The following CLCN1 variants were observed in gnomAD, a reference collection of about 807,000 sequenced individuals.
The protein encoded by CLCN1 is chloride channel protein 1.
CLCN1 carries 100 observed loss-of-function variants against 114.5 expected under a neutral mutation model. That is an observed-to-expected ratio of 0.87 (90% CI 0.74 to 1.03). The LOEUF (loss-of-function observed/expected upper bound fraction) is 1.03. CLCN1 is among the 50% of genes least tolerant of loss of function. The pLI is 0.00. For missense variants in CLCN1, 1,188 were observed against 1,250.0 expected, an observed-to-expected ratio of 0.95 and a Z score of 0.75; for synonymous variants, 485 against 487.1, an observed-to-expected ratio of 1.00 and a Z score of 0.06.
chr7:143,333,562 C>T (rs1425159779), intron 12 of CLCN1, among the ~76,000 whole-genome samples: 1 of 152,188 alleles, frequency 6.6e-6, no homozygotes, highest in East Asian at 1.9e-4. Flanking sequence ...GTATTTCATT[C>T]TCCATGTATC....
At chr7:143,346,441 T>G (rs1586516843) in intron 18 of CLCN1, 138 bp from the exon 19 acceptor site, 1 of 776,214 alleles carries the variant, frequency 1.3e-6, no homozygotes, top group Non-Finnish European at 2.3e-6. Flanking sequence ...GAGCAGAGGG[T>G]GATTTAGGAG....
intron 20 of CLCN1, among the ~76,000 whole-genome samples, chr7:143,349,891 A>G (rs1022080220): frequency 1.3e-5 from 2 of 152,246 alleles, no homozygotes; most frequent in African/African-American, 2.4e-5. Flanking sequence ...GGAGAAGCAC[A>G]TCTGATTGGG....
chr7:143,332,681 A>AGT (rs1394134439), intron 11 of CLCN1, 43 bp from the exon 12 acceptor site: 1 of 1,611,352 alleles, frequency 6.2e-7, no homozygotes, highest in African/African-American at 1.3e-5. Flanking sequence ...GAAGCACAGG[A>AGT]GTTCCCTGGA....
chr7:143,346,768 G>A (rs1176155214), intron 19 of CLCN1, 110 bp downstream of exon 19: 8 of 1,213,864 alleles, frequency 6.6e-6, no homozygotes, highest in Non-Finnish European at 8.5e-6. Context: ...AGGAGGAGGA[G>A]TTTAATCATA....
Position 143,338,530 on chromosome 7 carries a change from A to G in CLCN1, c.1402-723A>G, listed in dbSNP as rs941845030. 2.0e-5 allele frequency among the ~76,000 whole-genome samples: 3 copies of G among 152,158 alleles called. No homozygotes were observed. The East Asian group carries it at 5.8e-4, about 29-fold the overall frequency. ...GCCGGGCGCATCGGCTCACACCTGTAATCCCGGCACTTTGGGAGGTAGAGG... is the reference window on the plus strand; with the variant it reads ...GCCGGGCGCATCGGCTCACACCTGTGATCCCGGCACTTTGGGAGGTAGAGG... On this transcript the variant is annotated intron_variant, in intron 12 of 22. Coordinates refer to ENST00000343257, the MANE Select transcript of CLCN1 (RefSeq NM_000083.3).
intron 7 of CLCN1, among the ~76,000 whole-genome samples, chr7:143,328,801 T>A (rs1316711650): frequency 1.3e-5 from 2 of 152,118 alleles, no homozygotes; most frequent in Non-Finnish European, 2.9e-5. Context: ...CTGCCCCACA[T>A]TGCCCATTGC....
At chr7:143,323,842 C>T (rs1373049601) in intron 6 of CLCN1, 1 of 473,922 alleles carries the variant, frequency 2.1e-6, no homozygotes, top group Admixed American at 2.3e-5. Flanking sequence ...AGCTTGACCT[C>T]CTGGTGTCGG....
In CLCN1 at chr7:143,321,279, T is replaced by C; in HGVS notation, c.434-86T>C. 1 of 1,528,040 alleles carries C rather than the reference T, an allele frequency of 6.5e-7. No homozygotes were observed. Among genetic ancestry groups the C allele is most frequent in the South Asian group, 1.2e-5 (1 of 86,904 alleles). 94.7% of individuals were successfully genotyped at this position (1,528,040 alleles called of 1,614,324 possible). ...AGGGGCACACAGAAGGAGCACGGCCTGAGAACATGCCGGGTACACGTCCTG... is the reference window on the plus strand; with the variant it reads ...AGGGGCACACAGAAGGAGCACGGCCCGAGAACATGCCGGGTACACGTCCTG... On this transcript the variant is annotated intron_variant, in intron 3 of 22. Transcript: ENST00000343257. The surrounding 1 kb of genome is among the most constrained non-coding windows in gnomAD (Gnocchi z 4.2).
In CLCN1 at chr7:143,339,155, A is replaced by T. The variant is rs1180587502; in HGVS notation, c.1402-98A>T. 30 of 864,444 alleles carry T rather than the reference A, an allele frequency of 3.5e-5. No homozygotes were observed. The highest frequency in any genetic ancestry group is 5.2e-5 in the Non-Finnish European group (26 of 497,524). 53.5% of individuals were successfully genotyped at this position (864,444 alleles called of 1,614,324 possible). A position where few individuals can be genotyped will look rare whatever the true frequency, so the allele number is the denominator to read the frequency against. ...GACTTTCAGAAGGATCAGCTATCCC[A>T]GGATTTCTGCAGAAAGGAGGATAGT... On this transcript the variant is annotated intron_variant, in intron 12 of 22. Coordinates refer to ENST00000343257, the MANE Select transcript of CLCN1 (RefSeq NM_000083.3). The surrounding 1 kb of genome is among the most constrained non-coding windows in gnomAD (Gnocchi z 4.1).
intron 18 of CLCN1, 52 bp downstream of exon 18, chr7:143,346,303 G>C: frequency 7.9e-7 from 1 of 1,269,808 alleles, no homozygotes; most frequent in Non-Finnish European, 1.1e-6. Flanking sequence ...GTTCTCTCTG[G>C]TCACTAGGAC....
Position 143,324,534 on chromosome 7 carries a change from C to T in CLCN1, c.853+42C>T. ...CTCCCCCATCAATCGGCTTGCCTGGCCTGGCTCCCAAAACAGTTTTAATCA... is the reference window on the plus strand; with the variant it reads ...CTCCCCCATCAATCGGCTTGCCTGGTCTGGCTCCCAAAACAGTTTTAATCA... On this transcript the variant is annotated intron_variant, in intron 7 of 22. Coordinates refer to ENST00000343257, the MANE Select transcript of CLCN1 (RefSeq NM_000083.3). This position sits in a 1 kb window ranked among gnomAD's most constrained non-coding sequence, Gnocchi z 4.6. 1.4e-6 allele frequency: 2 copies of T among 1,475,552 alleles called. No individual in the cohort carries two copies. Among genetic ancestry groups the T allele is most frequent in the Non-Finnish European group, 1.9e-6 (2 of 1,054,002 alleles). The allele number at this position is 1,475,552 out of a possible 1,614,324, so 91.4% of individuals were successfully genotyped here.
chr7:143,327,257 A>AAAGAAAAAG (rs1554435825), intron 7 of CLCN1, among the ~76,000 whole-genome samples: 2 of 149,806 alleles, frequency 1.3e-5, no homozygotes, highest in Non-Finnish European at 1.5e-5. Flanking sequence ...TAAAAAAAAA[A>AAAGAAAAAG]AAAAAGAAAA....
Position 143,350,349 on chromosome 7 carries a change from G to T in CLCN1, c.2404-23G>T. 6.2e-7 allele frequency: 1 copy of T among 1,604,256 alleles called. No individual in the cohort carries two copies. The highest frequency in any genetic ancestry group is 8.5e-7 in the Non-Finnish European group (1 of 1,171,848). On this transcript the variant is annotated intron_variant, in intron 20 of 22. Coordinates refer to ENST00000343257, the MANE Select transcript of CLCN1 (RefSeq NM_000083.3). This position sits in a 1 kb window ranked among gnomAD's most constrained non-coding sequence, Gnocchi z 5.1. ...TGAAAGGAGGCTCTGTGATTTTCGTGACTTTCCTCCTCTGGCTGACAGATT... is the reference window on the plus strand; with the variant it reads ...TGAAAGGAGGCTCTGTGATTTTCGTTACTTTCCTCCTCTGGCTGACAGATT...
intron 11 of CLCN1, 96 bp from the exon 12 acceptor site, chr7:143,332,628 G>C: frequency 1.3e-6 from 2 of 1,548,888 alleles, no homozygotes; most frequent in Non-Finnish European, 1.8e-6. Flanking sequence ...GGGCAAAAGA[G>C]ACCCTTGAAT....
Position 143,351,881 on chromosome 7 carries a change from G to A in CLCN1, c.2883G>A (p.Gly961=), listed in dbSNP as rs1057522756. The A allele has an allele frequency of 6.2e-7, 1 of 1,614,126 alleles. No individual in the cohort carries two copies. The highest frequency in any genetic ancestry group is 8.5e-7 in the Non-Finnish European group (1 of 1,179,998). The change falls in exon 23 of 23, where the codon GGG becomes GGA. Residue 961 remains glycine (G), a synonymous_variant. Transcript: ENST00000343257. Reference sequence around the variant, plus strand: ...AGCTGGAGCTGGTGGAGAGTCCAGGGCTGGAAGAGGAGCTGGCCGACATCT... The same window carrying A: ...AGCTGGAGCTGGTGGAGAGTCCAGGACTGGAAGAGGAGCTGGCCGACATCT... ...LEELELVESP[G]LEEELADILQ...
rs1192546181 is a variant in CLCN1, at chr7:143,345,460, G to A, written c.1931-61G>A. 6 of 1,477,282 alleles carry A rather than the reference G, an allele frequency of 4.1e-6. No homozygotes were observed. In the African/African-American group the frequency reaches 7.1e-5, roughly 17 times the overall value. 91.5% of individuals were successfully genotyped at this position (1,477,282 alleles called of 1,614,324 possible). A position where few individuals can be genotyped will look rare whatever the true frequency, so the allele number is the denominator to read the frequency against. ...TCTCCTGTTCCTTCTCAGGAGTGCG[G>A]AGCGCGGTGGTGCGAGAGGGCTTGG... On this transcript the variant is annotated intron_variant, in intron 16 of 22. Transcript: ENST00000343257.
At chr7:143,346,039 G>A in intron 17 of CLCN1, 101 bp from the exon 18 acceptor site, 3 of 891,400 alleles carry the variant, frequency 3.4e-6, no homozygotes, top group African/African-American at 1.6e-5. Flanking sequence ...CTGGGGGGAA[G>A]AATAGAGTTC....
rs143784813 is a variant in CLCN1, at chr7:143,345,945, T to G, written c.2172+183T>G. On this transcript the variant is annotated intron_variant, in intron 17 of 22. Transcript: ENST00000343257. ...CTGGATCAGGTACCATAGAGACCAG[T>G]GCCTCTGGGTCCAGGGACTAAAGAA... Among the ~76,000 whole-genome samples, 449 of 152,156 alleles carry G rather than the reference T, an allele frequency of 3.0e-3. 2 individuals are homozygous for G. Among genetic ancestry groups the G allele is most frequent in the Middle Eastern group, 0.01 (3 of 294 alleles).
At chr7:143,348,561 T>C (rs1174068449) in intron 20 of CLCN1, among the ~76,000 whole-genome samples, 2 of 152,048 alleles carry the variant, frequency 1.3e-5, no homozygotes, top group East Asian at 1.9e-4. Flanking sequence ...TTTAGAGGGA[T>C]AAGATCTAAC....
Sources: gnomAD v4.1 joint callset for allele counts (sites outside exome capture counted in the v4.1 genomes callset) on GRCh38, gnomAD v4.1.1 for gene constraint, Gnocchi (gnomAD v3.1) non-coding constraint, MANE v1.5 for transcripts, NCBI Gene and HGNC (gene_info 2026-07-23, HGNC 2026-07-21) for gene names.